FCGRT: variants seen among roughly 807,000 people sequenced by gnomAD.
FCGRT encodes the protein Fc gamma receptor and transporter.
In FCGRT, 13 loss-of-function variants were observed where a neutral mutation model predicts 35.7. The ratio of observed to expected loss-of-function variants is 0.36; its 90% CI spans 0.24 to 0.58. FCGRT has a LOEUF of 0.58. Among genes scored for constraint, FCGRT ranks in the 20% least tolerant of loss-of-function variants. The pLI is 0.77. For missense variants in FCGRT, 455 were observed against 474.9 expected (o/e 0.96, Z 0.39); for synonymous variants, 233 against 216.5 (o/e 1.08, Z -0.67).
Position 49,517,433 on chromosome 19 carries a change from G to C in FCGRT, c.601+2947G>C, listed in dbSNP as rs901172928. 1.1e-4 allele frequency among the ~76,000 whole-genome samples: 17 copies of C among 152,020 alleles called. No individual in the cohort carries two copies. In the South Asian group the frequency reaches 2.7e-3, roughly 24 times the overall value. ...TTGATCCCGGGAAGCAGAGGTTGCA[G>C]TGAGCCGAGATCAAGCCACTGCACT... On this transcript the variant is annotated intron_variant, in intron 4 of 6. Coordinates refer to ENST00000221466, the MANE Select transcript of FCGRT (RefSeq NM_001136019.3).
At chr19:49,525,021 G>T in intron 5 of FCGRT, 1 of 659,638 alleles carries the variant, frequency 1.5e-6, no homozygotes, top group South Asian at 1.5e-5. Context: ...ACCATGGCCA[G>T]TCCTCCCTGA....
intron 5 of FCGRT, chr19:49,525,001 G>T: frequency 1.5e-6 from 1 of 681,836 alleles, no homozygotes. Context: ...AGTCTGAAGA[G>T]CTGTTAACTA....
At chr19:49,523,907 A>G (rs767508179) in intron 4 of FCGRT, among the ~76,000 whole-genome samples, 3 of 152,082 alleles carry the variant, frequency 2.0e-5, no homozygotes, top group Admixed American at 6.6e-5. Context: ...AGACGTTTTA[A>G]ATTTCCTCTT....
chr19:49,514,504 CCGCAG>C lies in FCGRT; in HGVS notation c.601+19_601+23del. The C allele has an allele frequency of 6.5e-7, 1 of 1,531,572 alleles. No individual in the cohort carries two copies. The highest frequency in any genetic ancestry group is 8.8e-7 in the Non-Finnish European group (1 of 1,137,750). 94.9% of individuals were successfully genotyped at this position (1,531,572 alleles called of 1,614,324 possible). On this transcript the variant is annotated intron_variant, in intron 4 of 6. Coordinates refer to ENST00000221466, the MANE Select transcript of FCGRT (RefSeq NM_001136019.3). ...GTGGAAGGGTGAGCCGGATCTGCAG[CCGCAG>C]GCTGTTCTGTCCTCTCTCCCGTCAT...
chr19:49,514,530 G>A lies in FCGRT; in HGVS notation c.601+44G>A, dbSNP rs1006647507. ...CGCAGGCTGTTCTGTCCTCTCTCCC[G>A]TCATGCCCACCTGCCTCAGTTCCCC... On this transcript the variant is annotated intron_variant, in intron 4 of 6. Coordinates refer to ENST00000221466, the MANE Select transcript of FCGRT (RefSeq NM_001136019.3). 5.3e-6 allele frequency: 8 copies of A among 1,495,716 alleles called. No homozygotes were observed. The African/African-American group carries it at 5.6e-5, about 10-fold the overall frequency. 92.7% of individuals were successfully genotyped at this position (1,495,716 alleles called of 1,614,324 possible).
At chr19:49,512,999 C>T (rs2079981707) in intron 1 of FCGRT, among the ~76,000 whole-genome samples, 1 of 120,548 alleles carries the variant, frequency 8.3e-6, no homozygotes, top group Non-Finnish European at 1.7e-5. Flanking sequence ...ACTCCTGGGT[C>T]CGAGGGTAGA....
At chr19:49,523,427 ATGG>A (rs1192265497) in intron 4 of FCGRT, among the ~76,000 whole-genome samples, 1 of 151,956 alleles carries the variant, frequency 6.6e-6, no homozygotes, top group Non-Finnish European at 1.5e-5. Flanking sequence ...ATTACCCGGC[ATGG>A]TGGTGCATGC....
intron 4 of FCGRT, among the ~76,000 whole-genome samples, chr19:49,516,477 T>C (rs752503168): frequency 2.3e-4 from 35 of 151,528 alleles, no homozygotes; most frequent in African/African-American, 8.2e-4. Context: ...GGTCTCGATC[T>C]TTTGACCTCG....
chr19:49,515,964 T>C, intron 4 of FCGRT: 1 of 307,508 alleles, frequency 3.3e-6, no homozygotes, highest in Admixed American at 4.8e-5. Flanking sequence ...TTTCCTCAGC[T>C]CTGTAGGGCA....
chr19:49,513,444 TCTTTCTC>T lies in FCGRT; in HGVS notation c.48_54del (p.Leu18GlyfsTer40). 5 of 1,240,906 alleles carry T rather than the reference TCTTTCTC, an allele frequency of 4.0e-6. No homozygotes were observed. Among genetic ancestry groups the T allele is most frequent in the Non-Finnish European group, 5.1e-6 (5 of 985,760 alleles). The allele number at this position is 1,240,906 out of a possible 1,614,324, so 76.9% of individuals were successfully genotyped here. A position where few individuals can be genotyped will look rare whatever the true frequency, so the allele number is the denominator to read the frequency against. On this transcript the variant is annotated frameshift_variant, in exon 2 of 7. Coordinates refer to ENST00000221466, the MANE Select transcript of FCGRT (RefSeq NM_001136019.3). LOFTEE classifies it high-confidence loss of function. Reference sequence around the variant, plus strand: ...CAGCCCTGGGCGCTGGGGCTCCTGCTCTTTCTCCTTCCTGGGAGCCTGGGCGCAGGTG... The same window carrying T: ...CAGCCCTGGGCGCTGGGGCTCCTGCTCTTCCTGGGAGCCTGGGCGCAGGTG...
intron 4 of FCGRT, among the ~76,000 whole-genome samples, chr19:49,518,927 C>G (rs2080024607): frequency 6.6e-6 from 1 of 151,864 alleles, no homozygotes; most frequent in Non-Finnish European, 1.5e-5. Context: ...ATTGCAACCT[C>G]CACCTCCCAA....
intron 4 of FCGRT, chr19:49,516,288 G>A (rs549818435): frequency 4.7e-4 from 184 of 394,334 alleles, no homozygotes; most frequent in Non-Finnish European, 7.7e-4. Context: ...TGTCGCCCAG[G>A]CTGGAGTGCA....
chr19:49,519,187 C>T (rs1280134988), intron 4 of FCGRT, among the ~76,000 whole-genome samples: 1 of 152,094 alleles, frequency 6.6e-6, no homozygotes, highest in African/African-American at 2.4e-5. Context: ...ATATTTCTTC[C>T]ACTCTCTAGG....
Position 49,524,507 on chromosome 19 carries a change from AGC to A in FCGRT, c.603_604del (p.Glu201AspfsTer47). 1 of 1,603,538 alleles carries A rather than the reference AGC, an allele frequency of 6.2e-7. No individual in the cohort carries two copies. The highest frequency in any genetic ancestry group is 8.5e-7 in the Non-Finnish European group (1 of 1,172,260). On this transcript the variant is annotated frameshift_variant and splice_region_variant, in exon 5 of 7. Coordinates refer to ENST00000221466, the MANE Select transcript of FCGRT (RefSeq NM_001136019.3). LOFTEE classifies it high-confidence loss of function. The stretch of plus-strand genomic sequence containing the variant: ...GGCCTGTCTGCCTGATTTCCTGCAG[AGC>A]CCCCCTCCATGCGCCTGAAGGCCCG...
chr19:49,524,521 C>G lies in FCGRT; in HGVS notation c.616C>G (p.Arg206Gly). ...NLEWKEPPSM[R>G]LKARPSSPGF... is the part of the protein sequence containing the mutation. ...ATTTCCTGCAGAGCCCCCCTCCATG[C>G]GCCTGAAGGCCCGACCCAGCAGCCC... is the stretch of plus-strand genomic sequence containing the variant. Residue 206 changes from arginine to glycine, a missense_variant, in exon 5 of 7, where the codon CGC becomes GGC. Around this residue, in one of 3 missense-constraint regions of FCGRT, gnomAD observed 312 missense variants for 296.1 expected, o/e 1.05. Coordinates refer to ENST00000221466, the MANE Select transcript of FCGRT (RefSeq NM_001136019.3). 1 of 1,607,398 alleles carries G rather than the reference C, an allele frequency of 6.2e-7. No individual in the cohort carries two copies. The highest frequency in any genetic ancestry group is 8.5e-7 in the Non-Finnish European group (1 of 1,175,128).
intron 4 of FCGRT, among the ~76,000 whole-genome samples, chr19:49,520,130 CTT>C (rs952631701): frequency 1.7e-4 from 17 of 99,472 alleles, no homozygotes; most frequent in Admixed American, 2.4e-4. Context: ...CGCGCCCGGG[CTT>C]TTTTTTTTTT....
chr19:49,521,354 G>A (rs1308883399), intron 4 of FCGRT, among the ~76,000 whole-genome samples: 4 of 151,920 alleles, frequency 2.6e-5, no homozygotes, highest in Admixed American at 2.6e-4. Flanking sequence ...GGCGGATCAC[G>A]AGGTCAGGAG....
chr19:49,525,839 A>T, intron 6 of FCGRT, 171 bp from the exon 7 acceptor site: 1 of 689,530 alleles, frequency 1.5e-6, no homozygotes, highest in African/African-American at 1.8e-5. Context: ...GGAGGCAAAG[A>T]TGTAGAAAGA....
Position 49,524,793 on chromosome 19 carries a change from T to TG in FCGRT, c.871+19dup, listed in dbSNP as rs1261998820. 6.3e-7 allele frequency: 1 copy of TG among 1,595,372 alleles called. No individual in the cohort carries two copies. The highest frequency in any genetic ancestry group is 2.2e-5 in the East Asian group (1 of 44,722). On this transcript the variant is annotated intron_variant, in intron 5 of 6. Transcript: ENST00000221466. Reference sequence around the variant, plus strand: ...TGGAGCTGGGTGAGGTCCCGCCAGGTGGTGATGCTCCTGGTTTCCCGTTGC... The same window carrying TG: ...TGGAGCTGGGTGAGGTCCCGCCAGGTGGGTGATGCTCCTGGTTTCCCGTTGC...
Sources: allele counts gnomAD v4.1 joint callset (sites outside exome capture counted in the v4.1 genomes callset), GRCh38; gene constraint gnomAD v4.1.1; regional missense constraint gnomAD v4.1.1; transcripts MANE v1.5; gene names NCBI Gene and HGNC (gene_info 2026-07-23, HGNC 2026-07-21).